Variants in SASH1 observed in about 807,000 individuals in gnomAD.
SASH1 encodes the protein SAM and SH3 domain containing 1, also known as SAM and SH3 domain-containing protein 1.
In SASH1, 44 loss-of-function variants were observed where a neutral mutation model predicts 125.2. The ratio of observed to expected loss-of-function variants is 0.35; its 90% confidence interval spans 0.28 to 0.45. SASH1 has a LOEUF of 0.45. Ranked by LOEUF, SASH1 falls within the 20% of genes least tolerant of loss-of-function variation. The pLI is 1.00. For missense variants in SASH1, 1,426 were observed against 1,614.5 expected (o/e 0.88, Z 2.00); for synonymous variants, 639 against 649.1 (o/e 0.98, Z 0.24).
the SASH1 span, among the ~76,000 whole-genome samples, chr6:148,232,933 T>C: frequency 3.9e-5 from 6 of 152,042 alleles, no homozygotes; most frequent in African/African-American, 1.4e-4. Flanking sequence ...CTCTCCAGTA[T>C]ATAGATGAGG....
intron 5 of SASH1, among the ~76,000 whole-genome samples, chr6:148,471,114 CTAGT>C (rs1003600015): frequency 2.6e-5 from 4 of 151,918 alleles, no homozygotes; most frequent in African/African-American, 9.7e-5. Context: ...ATTAGGCATA[CTAGT>C]TAAACAAACA....
At chr6:148,203,145 T>C in the SASH1 span, among the ~76,000 whole-genome samples, 16 of 152,228 alleles carry the variant, frequency 1.1e-4, no homozygotes, top group Non-Finnish European at 1.8e-4. Context: ...GAGAAAGAGC[T>C]GGAAGTATGC....
At chr6:148,375,975 A>G (rs1448596862) in intron 1 of SASH1, among the ~76,000 whole-genome samples, 1 of 152,202 alleles carries the variant, frequency 6.6e-6, no homozygotes, top group Non-Finnish European at 1.5e-5. Context: ...TAACTCATGC[A>G]CTGTACTTGG....
chr6:148,452,530 G>A (rs564019151), intron 4 of SASH1, among the ~76,000 whole-genome samples: 3 of 152,364 alleles, frequency 2.0e-5, no homozygotes, highest in South Asian at 2.1e-4. Context: ...GAATCTGAGC[G>A]TGAGTTTACG....
chr6:148,254,730 GA>G, the SASH1 span, among the ~76,000 whole-genome samples: 1 of 152,174 alleles, frequency 6.6e-6, no homozygotes, highest in Non-Finnish European at 1.5e-5. Flanking sequence ...GGAGTGTGGA[GA>G]AATTGCAACC....
chr6:148,263,244 G>T, the SASH1 span, among the ~76,000 whole-genome samples: 1 of 152,212 alleles, frequency 6.6e-6, no homozygotes, highest in Non-Finnish European at 1.5e-5. Context: ...GGCAGGACAA[G>T]TTTCATGTTC....
intron 2 of SASH1, among the ~76,000 whole-genome samples, chr6:148,419,941 C>T (rs888761391): frequency 3.3e-5 from 5 of 152,086 alleles, no homozygotes; most frequent in African/African-American, 1.2e-4. Flanking sequence ...GAGAGTTCAA[C>T]AAGGTGTTTT....
chr6:148,504,705 T>TTATGGGGAGTCTAC (rs71004302), intron 8 of SASH1, among the ~76,000 whole-genome samples: 58,659 of 151,746 alleles, frequency 0.39, 13,649 homozygotes, highest in African/African-American at 0.64. Context: ...GCACCAGTAT[T>TTATGGGGAGTCTAC]TATGGGTGGG....
intron 17 of SASH1, among the ~76,000 whole-genome samples, chr6:148,542,965 C>T (rs1782322384): frequency 6.6e-6 from 1 of 152,064 alleles, no homozygotes; most frequent in South Asian, 2.1e-4. Context: ...CAAAGCTTAT[C>T]CAACAGCAGC....
At chr6:148,329,420 C>G (rs868846858) in intron 1 of SASH1, among the ~76,000 whole-genome samples, 5 of 152,226 alleles carry the variant, frequency 3.3e-5, no homozygotes, top group Non-Finnish European at 1.5e-5. Flanking sequence ...AATTGTTTCA[C>G]TAAGCTAGAC....
At chr6:148,319,134 G>A (rs1780570681) in intron 1 of SASH1, among the ~76,000 whole-genome samples, 1 of 137,982 alleles carries the variant, frequency 7.2e-6, no homozygotes, top group Non-Finnish European at 1.5e-5. Flanking sequence ...CCGAGTTCAT[G>A]CCATTCTCCT....
chr6:148,516,490 G>GCCC (rs1780445168), intron 9 of SASH1, among the ~76,000 whole-genome samples: 29 of 114,250 alleles, frequency 2.5e-4, no homozygotes, highest in African/African-American at 4.0e-4. Context: ...GCCAGTAGGC[G>GCCC]CCCCCTCCCC....
chr6:148,219,419 A>C, the SASH1 span, among the ~76,000 whole-genome samples: 1 of 152,100 alleles, frequency 6.6e-6, no homozygotes, highest in Non-Finnish European at 1.5e-5. Flanking sequence ...CCCTATGATC[A>C]AAGTTCAGTC....
Position 148,548,093 on chromosome 6 carries a change from G to C in SASH1, c.3481-202G>C, listed in dbSNP as rs376786104. 1.1e-4 allele frequency among the ~76,000 whole-genome samples: 16 copies of C among 152,184 alleles called. No individual in the cohort carries two copies. In the East Asian group the frequency reaches 3.1e-3, roughly 29 times the overall value. On this transcript the variant is annotated intron_variant, in intron 19 of 19. Transcript: ENST00000367467. ...TCATTCCAACACCTTCGAGAACCTT[G>C]TGGAACTCTTCCTTAAAGATTTGTT...
the SASH1 span, among the ~76,000 whole-genome samples, chr6:148,236,442 C>T: frequency 2.6e-5 from 4 of 152,106 alleles, no homozygotes; most frequent in Non-Finnish European, 5.9e-5. Flanking sequence ...GAATCCCTGA[C>T]CTCAGGTGAT....
At chr6:148,503,796 G>C (rs1053032556) in intron 8 of SASH1, among the ~76,000 whole-genome samples, 1 of 151,964 alleles carries the variant, frequency 6.6e-6, no homozygotes, top group Admixed American at 6.6e-5. Context: ...AAACATCAGG[G>C]TGTATTTTGT....
intron 2 of SASH1, among the ~76,000 whole-genome samples, chr6:148,404,518 A>G (rs1784295837): frequency 6.6e-6 from 1 of 151,904 alleles, no homozygotes; most frequent in Non-Finnish European, 1.5e-5. Context: ...TTGGCACTTC[A>G]GTCCTTTCTA....
At chr6:148,227,961 A>C in the SASH1 span, among the ~76,000 whole-genome samples, 1 of 152,140 alleles carries the variant, frequency 6.6e-6, no homozygotes, top group East Asian at 1.9e-4. Flanking sequence ...ACAATAACAT[A>C]AAAAAAGTAC....
chr6:148,452,738 T>C (rs12205477), intron 4 of SASH1, among the ~76,000 whole-genome samples: 9,868 of 152,254 alleles, frequency 0.065, 435 homozygotes, highest in Non-Finnish European at 0.092. Context: ...GTGCTGCCCC[T>C]GGTGAGGGCA....
Sources: allele counts gnomAD v4.1 joint callset (sites outside exome capture counted in the v4.1 genomes callset), GRCh38; gene constraint gnomAD v4.1.1; transcripts MANE v1.5; gene names NCBI Gene and HGNC (gene_info 2026-07-23, HGNC 2026-07-21).